Variants in BEND6 observed in about 807,000 individuals in gnomAD.
The protein encoded by BEND6 is BEN domain-containing protein 6.
A neutral mutation model predicts 31.8 loss-of-function variants in BEND6; 24 were observed. That is an observed-to-expected ratio of 0.75 (90% CI 0.55 to 1.06). The LOEUF (loss-of-function observed/expected upper bound fraction) is 1.06, where lower values mean the gene tolerates loss of function less well. Among genes scored for constraint, BEND6 ranks in the 50% least tolerant of loss-of-function variants. The pLI is 0.00. For missense variants in BEND6, 294 were observed against 327.4 expected, an observed-to-expected ratio of 0.90 and a Z score of 0.79; for synonymous variants, 109 against 114.6, an observed-to-expected ratio of 0.95 and a Z score of 0.31.
intron 1 of BEND6, among the ~76,000 whole-genome samples, chr6:56,957,731 G>C (rs1246067679): frequency 6.6e-6 from 1 of 152,166 alleles, no homozygotes; most frequent in Non-Finnish European, 1.5e-5. Flanking sequence ...TGTATAATTT[G>C]TTGACTTTTT....
intron 1 of BEND6, among the ~76,000 whole-genome samples, chr6:56,978,475 A>T (rs371300163): frequency 1.2e-4 from 18 of 152,124 alleles, no homozygotes; most frequent in Non-Finnish European, 2.2e-4. Context: ...TTCTGCCTCT[A>T]TAAATTTGAC....
chr6:56,973,971 T>C (rs1195152489), intron 1 of BEND6, among the ~76,000 whole-genome samples: 1 of 152,176 alleles, frequency 6.6e-6, no homozygotes, highest in Non-Finnish European at 1.5e-5. Flanking sequence ...CAGACTGATC[T>C]TGCACTTCTG....
chr6:57,020,696 A>T (rs986334703), intron 6 of BEND6, among the ~76,000 whole-genome samples: 10 of 152,146 alleles, frequency 6.6e-5, no homozygotes, highest in Non-Finnish European at 1.3e-4. Flanking sequence ...TGCTGGGATT[A>T]CAGGCGTGAG....
At chr6:56,992,651 C>A in intron 3 of BEND6, 96 bp downstream of exon 3, 1 of 1,334,318 alleles carries the variant, frequency 7.5e-7, no homozygotes, top group South Asian at 1.6e-5. Context: ...AGAAGAAAAT[C>A]CACACCTCTG....
intron 3 of BEND6, among the ~76,000 whole-genome samples, chr6:56,998,263 G>A (rs912153186): frequency 4.6e-5 from 7 of 152,100 alleles, no homozygotes; most frequent in Non-Finnish European, 8.8e-5. Context: ...TATTTACTTT[G>A]TTTGCAATAA....
intron 3 of BEND6, among the ~76,000 whole-genome samples, chr6:56,996,511 A>G (rs1826719699): frequency 2.0e-5 from 3 of 152,118 alleles, no homozygotes; most frequent in Admixed American, 2.0e-4. Context: ...TGATTGTCAG[A>G]GTTCTATTTC....
intron 4 of BEND6, among the ~76,000 whole-genome samples, chr6:57,016,829 C>T (rs929206237): frequency 5.3e-5 from 8 of 152,124 alleles, no homozygotes; most frequent in Non-Finnish European, 1.2e-4. Context: ...TGTGAGGCAA[C>T]GTGTTATAGG....
chr6:56,996,130 C>T (rs1458451210), intron 3 of BEND6, among the ~76,000 whole-genome samples: 2 of 152,030 alleles, frequency 1.3e-5, no homozygotes, highest in Non-Finnish European at 1.5e-5. Context: ...TCTAGATGAC[C>T]GTCTCCAATA....
intron 6 of BEND6, among the ~76,000 whole-genome samples, chr6:57,024,272 T>G (rs1827837882): frequency 6.6e-6 from 1 of 152,212 alleles, no homozygotes; most frequent in South Asian, 2.1e-4. Flanking sequence ...TTAGATAATT[T>G]TAGGTTTGTT....
intron 1 of BEND6, among the ~76,000 whole-genome samples, chr6:56,964,171 T>C (rs1825388108): frequency 6.6e-6 from 1 of 151,986 alleles, no homozygotes. Flanking sequence ...GTATTGGAGC[T>C]AGGATTATGA....
intron 1 of BEND6, among the ~76,000 whole-genome samples, chr6:56,965,961 T>C (rs942670601): frequency 2.0e-5 from 3 of 152,238 alleles, no homozygotes; most frequent in African/African-American, 7.2e-5. Flanking sequence ...ACTTTCAAGA[T>C]GAATAGAAAG....
chr6:56,989,100 G>C (rs1826395544), intron 2 of BEND6, among the ~76,000 whole-genome samples: 1 of 150,390 alleles, frequency 6.6e-6, no homozygotes, highest in Non-Finnish European at 1.5e-5. Flanking sequence ...CTATAATGTA[G>C]TCTCATTATA....
intron 3 of BEND6, among the ~76,000 whole-genome samples, chr6:57,011,908 G>A (rs922421841): frequency 4.0e-5 from 6 of 151,294 alleles, no homozygotes; most frequent in East Asian, 2.0e-4. Flanking sequence ...GGCAGATCAC[G>A]TGAGGTGAGG....
chr6:56,991,982 G>A (rs1562546991), intron 2 of BEND6, among the ~76,000 whole-genome samples: 1 of 152,146 alleles, frequency 6.6e-6, no homozygotes, highest in Non-Finnish European at 1.5e-5. Flanking sequence ...TAAATCATTT[G>A]TCTGTGTGTA....
At chr6:56,981,459 A>C (rs1417351968) in intron 1 of BEND6, among the ~76,000 whole-genome samples, 2 of 152,220 alleles carry the variant, frequency 1.3e-5, no homozygotes, top group African/African-American at 4.8e-5. Context: ...AAAAAAACTT[A>C]TGAAAAAGTG....
intron 6 of BEND6, among the ~76,000 whole-genome samples, chr6:57,020,842 T>TG (rs1044839806): frequency 4.6e-5 from 7 of 150,818 alleles, no homozygotes; most frequent in Admixed American, 2.0e-4. Flanking sequence ...TGTTTTTTTT[T>TG]TTTTTTTTTT....
intron 3 of BEND6, chr6:57,010,084 C>T (rs1372627802): frequency 6.6e-6 from 1 of 152,180 alleles, no homozygotes. Context: ...CACAAAAAAG[C>T]TAACCAGGCA....
chr6:57,011,723 AAAAAAAAAAAAAG>A (rs1827350844), intron 3 of BEND6, among the ~76,000 whole-genome samples: 1 of 148,122 alleles, frequency 6.8e-6, no homozygotes, highest in African/African-American at 2.5e-5. Context: ...CTCAAAAAAA[AAAAAAAAAAAAAG>A]AAAAAAAAAG....
chr6:57,014,607 T>G, intron 3 of BEND6: 1 of 1,043,578 alleles, frequency 9.6e-7, no homozygotes, highest in Non-Finnish European at 1.3e-6. Flanking sequence ...ACAACACAGG[T>G]TTGAATTGTG....
Sources: gnomAD v4.1 joint callset for allele counts (sites outside exome capture counted in the v4.1 genomes callset) on GRCh38, gnomAD v4.1.1 for gene constraint, MANE v1.5 for transcripts, NCBI Gene and HGNC (gene_info 2026-07-23, HGNC 2026-07-21) for gene names.